Variants in SCHIP1 observed in about 807,000 individuals in gnomAD.
SCHIP1 encodes the protein schwannomin-interacting protein 1.
In SCHIP1, 8 loss-of-function variants were observed where a neutral mutation model predicts 29.7. That is an observed-to-expected ratio of 0.27 (90% CI 0.16 to 0.49). The LOEUF (loss-of-function observed/expected upper bound fraction) is 0.49. SCHIP1 is among the 20% of genes least tolerant of loss of function. The pLI is 0.99. For synonymous variants in SCHIP1, 76 were observed against 94.9 expected (o/e 0.80, Z 1.16); for missense variants, 193 against 294.6 (o/e 0.66, Z 2.52).
chr3:159,494,044 T>A, the SCHIP1 span, among the ~76,000 whole-genome samples: 1 of 152,182 alleles, frequency 6.6e-6, no homozygotes, highest in East Asian at 1.9e-4. Flanking sequence ...AAGATGTTCT[T>A]TGAAACCAAC....
At chr3:159,537,901 C>T in the SCHIP1 span, among the ~76,000 whole-genome samples, 143 of 152,152 alleles carry the variant, frequency 9.4e-4, no homozygotes, top group Middle Eastern at 0.01. Context: ...AAAGGCAAGT[C>T]ACAGAAGATC....
chr3:159,554,012 G>GTGTT, the SCHIP1 span, among the ~76,000 whole-genome samples: 3 of 107,912 alleles, frequency 2.8e-5, no homozygotes, highest in African/African-American at 1.5e-4. Context: ...GTGTGTGTGT[G>GTGTT]TGTGTGTTTG....
At chr3:159,296,907 GACTA>G in the SCHIP1 span, among the ~76,000 whole-genome samples, 382 of 152,130 alleles carry the variant, frequency 2.5e-3, 4 homozygotes, top group African/African-American at 8.7e-3. Flanking sequence ...TATACTCTTT[GACTA>G]ACATCTTCCT....
the SCHIP1 span, among the ~76,000 whole-genome samples, chr3:159,413,655 G>GA: frequency 1.3e-5 from 2 of 152,232 alleles, no homozygotes; most frequent in East Asian, 3.9e-4. Context: ...TCCAAGTCAT[G>GA]AAAATTATAT....
At chr3:159,405,212 C>T in the SCHIP1 span, among the ~76,000 whole-genome samples, 2 of 152,074 alleles carry the variant, frequency 1.3e-5, no homozygotes, top group African/African-American at 4.8e-5. Context: ...ACAGTAAATG[C>T]CTAACTCTTC....
At chr3:159,859,996 CGTGT>C (rs1029854068) in intron 1 of SCHIP1, among the ~76,000 whole-genome samples, 1 of 99,464 alleles carries the variant, frequency 1.0e-5, no homozygotes, top group Non-Finnish European at 2.1e-5. Context: ...TGTGTGTGTG[CGTGT>C]GTGTGTGTGT....
chr3:159,850,909 G>A (rs1712539814), intron 1 of SCHIP1, among the ~76,000 whole-genome samples: 1 of 152,146 alleles, frequency 6.6e-6, no homozygotes, highest in Non-Finnish European at 1.5e-5. Context: ...ATGAGATTTT[G>A]GTGGGGACAC....
chr3:159,423,159 T>A, the SCHIP1 span, among the ~76,000 whole-genome samples: 1 of 152,306 alleles, frequency 6.6e-6, no homozygotes, highest in East Asian at 1.9e-4. Context: ...TGCATTTCCA[T>A]CTGAGGTACC....
the SCHIP1 span, among the ~76,000 whole-genome samples, chr3:159,742,099 G>A: frequency 1.2e-4 from 19 of 152,210 alleles, no homozygotes; most frequent in African/African-American, 3.1e-4. Flanking sequence ...GGTGGCGGGC[G>A]CCTGTAGCCC....
chr3:159,575,937 T>C, the SCHIP1 span, among the ~76,000 whole-genome samples: 2 of 152,186 alleles, frequency 1.3e-5, no homozygotes, highest in South Asian at 2.1e-4. Flanking sequence ...TTTTACATCA[T>C]GTATTCTAAT....
intron 1 of SCHIP1, among the ~76,000 whole-genome samples, chr3:159,841,632 T>C (rs140819466): frequency 6.6e-6 from 1 of 152,334 alleles, no homozygotes; most frequent in Non-Finnish European, 1.5e-5. Context: ...TTTCATTAGG[T>C]TGAACATAAA....
chr3:159,315,852 C>G, the SCHIP1 span, among the ~76,000 whole-genome samples: 6 of 150,472 alleles, frequency 4.0e-5, no homozygotes, highest in South Asian at 1.2e-3. Flanking sequence ...ATAAAACATA[C>G]TCATCAGTAG....
chr3:159,491,748 G>A, the SCHIP1 span, among the ~76,000 whole-genome samples: 327 of 152,340 alleles, frequency 2.1e-3, no homozygotes, highest in African/African-American at 7.8e-3. Context: ...GCTTTGAAGA[G>A]AGTAGTGGTT....
At chr3:159,273,306 C>A in the SCHIP1 span, 3 of 985,950 alleles carry the variant, frequency 3.0e-6, no homozygotes, top group Non-Finnish European at 3.6e-6. Context: ...TTCAGCAGAC[C>A]GAGGCTGGGG....
At chr3:159,761,238 TAGTA>T in the SCHIP1 span, among the ~76,000 whole-genome samples, 1 of 152,188 alleles carries the variant, frequency 6.6e-6, no homozygotes, top group African/African-American at 2.4e-5. Context: ...TGGGAAACTT[TAGTA>T]ATTTCAGGAC....
chr3:159,304,370 G>C, the SCHIP1 span, among the ~76,000 whole-genome samples: 3 of 152,134 alleles, frequency 2.0e-5, no homozygotes, highest in Admixed American at 2.0e-4. Context: ...AACCATTACA[G>C]AAGGTTATAT....
At chr3:159,658,412 G>GT in the SCHIP1 span, among the ~76,000 whole-genome samples, 26 of 152,256 alleles carry the variant, frequency 1.7e-4, no homozygotes, top group African/African-American at 5.8e-4. Flanking sequence ...AATACACCCA[G>GT]TTTTTTACAT....
At chr3:159,857,266 G>A (rs1236000015) in intron 1 of SCHIP1, among the ~76,000 whole-genome samples, 1 of 152,140 alleles carries the variant, frequency 6.6e-6, no homozygotes, top group Admixed American at 6.5e-5. Context: ...AAGTGTGTTA[G>A]ATGTATTCTT....
the SCHIP1 span, among the ~76,000 whole-genome samples, chr3:159,605,694 TAATC>T: frequency 1.3e-5 from 2 of 152,154 alleles, no homozygotes; most frequent in South Asian, 2.1e-4. Context: ...ATAGTACAGA[TAATC>T]AAACTGATGA....
Sources: allele counts gnomAD v4.1 joint callset (sites outside exome capture counted in the v4.1 genomes callset), GRCh38; gene constraint gnomAD v4.1.1; transcripts MANE v1.5; gene names NCBI Gene and HGNC (gene_info 2026-07-23, HGNC 2026-07-21).